Variants in EBF1 observed in about 807,000 individuals in gnomAD.
The protein encoded by EBF1 is transcription factor COE1.
EBF1 carries 10 observed loss-of-function variants against 68.4 expected under a neutral mutation model. That is an observed-to-expected ratio of 0.15 (90% CI 0.09 to 0.25). The LOEUF is 0.25. Ranked by LOEUF, EBF1 falls within the 10% of genes least tolerant of loss-of-function variation. EBF1 has a pLI of 1.00. For synonymous variants in EBF1, 298 were observed against 299.8 expected (o/e 0.99, Z 0.06); for missense variants, 509 against 794.4 (o/e 0.64, Z 4.32).
intron 6 of EBF1, among the ~76,000 whole-genome samples, chr5:159,033,150 C>T (rs900235866): frequency 1.3e-5 from 2 of 152,176 alleles, no homozygotes; most frequent in Non-Finnish European, 2.9e-5. Context: ...CGCCTGGAAG[C>T]GGGAAGTGGG....
intron 8 of EBF1, among the ~76,000 whole-genome samples, chr5:158,802,010 C>A (rs1341687297): frequency 6.6e-6 from 1 of 152,046 alleles, no homozygotes; most frequent in African/African-American, 2.4e-5. Flanking sequence ...AAAGCAAGGG[C>A]CAGGAGAGCC....
chr5:159,085,195 A>G (rs1414508820), intron 4 of EBF1, among the ~76,000 whole-genome samples: 2 of 152,200 alleles, frequency 1.3e-5, no homozygotes, highest in Non-Finnish European at 2.9e-5. Flanking sequence ...GTAGTAGAAA[A>G]CAAGTGTAGG....
At chr5:158,978,069 C>T (rs2127578620) in intron 6 of EBF1, among the ~76,000 whole-genome samples, 1 of 152,352 alleles carries the variant, frequency 6.6e-6, no homozygotes, top group Middle Eastern at 3.4e-3. Context: ...TTGACAGATG[C>T]CTAACCTTAG....
chr5:158,702,743 C>CAAAAAAAAAAAAAAAAAAA, intron 15 of EBF1, among the ~76,000 whole-genome samples: 1 of 41,588 alleles, frequency 2.4e-5, no homozygotes, highest in Non-Finnish European at 3.9e-5. Flanking sequence ...GACTCCTTCT[C>CAAAAAAAAAAAAAAAAAAA]AAAAAAAAAA....
At chr5:158,778,126 G>C (rs1416166381) in intron 9 of EBF1, among the ~76,000 whole-genome samples, 2 of 152,092 alleles carry the variant, frequency 1.3e-5, no homozygotes, top group African/African-American at 4.8e-5. Flanking sequence ...TCCATAAAAG[G>C]GAAAGGGAAA....
chr5:159,025,967 G>A (rs1767643217), intron 6 of EBF1, among the ~76,000 whole-genome samples: 1 of 152,160 alleles, frequency 6.6e-6, no homozygotes, highest in Non-Finnish European at 1.5e-5. Flanking sequence ...ATGTTTGATT[G>A]TCTCAAAAAA....
At chr5:158,735,383 A>T (rs1332366139) in intron 10 of EBF1, among the ~76,000 whole-genome samples, 1 of 152,222 alleles carries the variant, frequency 6.6e-6, no homozygotes, top group East Asian at 1.9e-4. Flanking sequence ...GCTGTCTTCC[A>T]CTGACCCCTT....
At chr5:158,744,444 G>A (rs1767115696) in intron 10 of EBF1, among the ~76,000 whole-genome samples, 1 of 152,162 alleles carries the variant, frequency 6.6e-6, no homozygotes, top group Admixed American at 6.5e-5. Flanking sequence ...AACCAACCAG[G>A]AGAGGTCTGA....
At chr5:158,873,061 A>G (rs1474070792) in intron 6 of EBF1, among the ~76,000 whole-genome samples, 1 of 136,760 alleles carries the variant, frequency 7.3e-6, no homozygotes, top group Non-Finnish European at 1.5e-5. Context: ...ACAATGGCTT[A>G]AAACAACCTG....
At chr5:159,052,823 C>T (rs753635444) in intron 6 of EBF1, among the ~76,000 whole-genome samples, 5 of 152,182 alleles carry the variant, frequency 3.3e-5, no homozygotes, top group Non-Finnish European at 5.9e-5. Context: ...GTTCCGTGTT[C>T]CTGCCCTTAG....
chr5:158,859,842 A>G (rs148179407), intron 6 of EBF1, among the ~76,000 whole-genome samples: 1 of 152,296 alleles, frequency 6.6e-6, no homozygotes, highest in African/African-American at 2.4e-5. Flanking sequence ...TTGATATCTC[A>G]TCGGTCACTT....
chr5:158,776,875 G>C (rs984702041), intron 10 of EBF1, among the ~76,000 whole-genome samples: 1 of 152,160 alleles, frequency 6.6e-6, no homozygotes, highest in African/African-American at 2.4e-5. Flanking sequence ...TGATGGGAGG[G>C]AATTCACATT....
At chr5:158,759,835 G>T (rs371503755) in intron 10 of EBF1, among the ~76,000 whole-genome samples, 6 of 151,642 alleles carry the variant, frequency 4.0e-5, no homozygotes, top group Middle Eastern at 3.4e-3. Flanking sequence ...CACCTTTCTG[G>T]GTTACAGAAC....
intron 6 of EBF1, among the ~76,000 whole-genome samples, chr5:158,995,668 C>A (rs1019258318): frequency 6.6e-6 from 1 of 152,148 alleles, no homozygotes; most frequent in Non-Finnish European, 1.5e-5. Flanking sequence ...CCTCTCCGAC[C>A]TTCTTACAGG....
intron 6 of EBF1, among the ~76,000 whole-genome samples, chr5:159,020,692 G>C (rs1056943363): frequency 6.6e-6 from 1 of 152,048 alleles, no homozygotes; most frequent in African/African-American, 2.4e-5. Context: ...TGTTAAAATT[G>C]CCTATTCTTC....
chr5:159,091,185 G>A (rs746187958), intron 4 of EBF1, among the ~76,000 whole-genome samples: 7 of 152,150 alleles, frequency 4.6e-5, no homozygotes, highest in South Asian at 2.1e-4. Flanking sequence ...CAGCTCTAGC[G>A]TAAATATCCC....
At chr5:158,794,104 T>A (rs1293183787) in intron 9 of EBF1, among the ~76,000 whole-genome samples, 1 of 152,112 alleles carries the variant, frequency 6.6e-6, no homozygotes, top group Admixed American at 6.5e-5. Context: ...AGGGTCATAG[T>A]TGATTTATGA....
intron 6 of EBF1, among the ~76,000 whole-genome samples, chr5:158,948,754 T>C (rs1256568292): frequency 6.6e-6 from 1 of 152,208 alleles, no homozygotes; most frequent in Non-Finnish European, 1.5e-5. Context: ...ACATGTGGCA[T>C]TCTCGTCTTC....
At chr5:158,892,826 T>C (rs1326290797) in intron 6 of EBF1, among the ~76,000 whole-genome samples, 1 of 152,164 alleles carries the variant, frequency 6.6e-6, no homozygotes. Context: ...CAATTTCTAT[T>C]CTTATTTTTT....
Sources: gnomAD v4.1 joint callset for allele counts (sites outside exome capture counted in the v4.1 genomes callset) on GRCh38, gnomAD v4.1.1 for gene constraint, MANE v1.5 for transcripts, NCBI Gene and HGNC (gene_info 2026-07-23, HGNC 2026-07-21) for gene names.